The following ASIC2 variants were observed in gnomAD, a reference collection of about 807,000 sequenced individuals.
ASIC2 encodes the protein acid sensing ion channel subunit 2.
A neutral mutation model predicts 57.3 loss-of-function variants in ASIC2; 25 were observed. The ratio of observed to expected loss-of-function variants is 0.44; its 90% CI spans 0.32 to 0.61. The LOEUF (loss-of-function observed/expected upper bound fraction) is 0.61. ASIC2 is among the 20% of genes least tolerant of loss of function. The probability of loss-of-function intolerance (pLI) is 0.06; values close to 1 mark genes in which losing one functional copy is unlikely to be tolerated. For missense variants in ASIC2, 641 were observed against 738.1 expected (o/e 0.87, Z 1.52); for synonymous variants, 319 against 307.5 (o/e 1.04, Z -0.39).
intron 1 of ASIC2, among the ~76,000 whole-genome samples, chr17:33,613,229 A>G (rs993561432): frequency 6.6e-6 from 1 of 152,164 alleles, no homozygotes; most frequent in Non-Finnish European, 1.5e-5. Context: ...ATGTGGTAGA[A>G]CCTTCAAATA....
At chr17:33,397,038 C>T (rs570284036) in intron 1 of ASIC2, among the ~76,000 whole-genome samples, 4 of 152,326 alleles carry the variant, frequency 2.6e-5, no homozygotes, top group Admixed American at 2.0e-4. Context: ...GAACTTACAA[C>T]ATATTCCGAG....
chr17:34,032,727 A>AACAG (rs1907671700), intron 1 of ASIC2, among the ~76,000 whole-genome samples: 1 of 152,326 alleles, frequency 6.6e-6, no homozygotes, highest in East Asian at 1.9e-4. Flanking sequence ...TCACTGATAA[A>AACAG]ACAGACTTTA....
intron 1 of ASIC2, among the ~76,000 whole-genome samples, chr17:33,344,276 G>C (rs1907854527): frequency 1.3e-5 from 2 of 152,296 alleles, no homozygotes; most frequent in South Asian, 4.2e-4. Flanking sequence ...CTGAAGCAGG[G>C]GGAGCAGATG....
intron 1 of ASIC2, among the ~76,000 whole-genome samples, chr17:33,949,111 A>C (rs894871979): frequency 6.6e-6 from 1 of 152,056 alleles, no homozygotes; most frequent in African/African-American, 2.4e-5. Flanking sequence ...TCAACTATTT[A>C]AAAATGTAAA....
intron 1 of ASIC2, among the ~76,000 whole-genome samples, chr17:33,209,286 G>A (rs1237504772): frequency 6.6e-6 from 1 of 152,156 alleles, no homozygotes; most frequent in Admixed American, 6.5e-5. Flanking sequence ...TTATTTATAA[G>A]TTGTTCCAGT....
intron 1 of ASIC2, among the ~76,000 whole-genome samples, chr17:33,416,455 C>A (rs2141968294): frequency 6.6e-6 from 1 of 152,272 alleles, no homozygotes. Flanking sequence ...TTCCTCTTTG[C>A]TGACTGGTTA....
intron 1 of ASIC2, among the ~76,000 whole-genome samples, chr17:33,521,588 A>G (rs1166688268): frequency 6.6e-6 from 1 of 152,170 alleles, no homozygotes; most frequent in Non-Finnish European, 1.5e-5. Flanking sequence ...GCCTGCTGAG[A>G]GTCTGGCAGA....
rs572154957 is a variant in ASIC2 at position 33,260,315 on chromosome 17, G to C, written c.708+31093C>G. Among the ~76,000 whole-genome samples the C allele has an allele frequency of 4.6e-5, 7 of 152,310 alleles. 1 individual carries two copies. Among genetic ancestry groups the C allele is most frequent in the Admixed American group, 1.3e-4 (2 of 15,304 alleles). On this transcript the variant is annotated intron_variant, in intron 1 of 9. Transcript: ENST00000225823. ...CTCCAACCACAAAAGTAGCAACAGG[G>C]AGAGGGGTGCCAGAAAGATGGCAAC...
In ASIC2 at chr17:33,332,152, G is replaced by A. The variant is rs1342937157; in HGVS notation, c.556-220085C>T. ...GTGCCTGCATTCCATATACCCGTTCGTGTTATGAAGATTACCTTGGCCTCT... is the reference window on the plus strand; with the variant it reads ...GTGCCTGCATTCCATATACCCGTTCATGTTATGAAGATTACCTTGGCCTCT... On this transcript the variant is annotated intron_variant, in intron 1 of 9. Coordinates refer to the ASIC2 transcript ENST00000359872. 1.3e-4 allele frequency among the ~76,000 whole-genome samples: 20 copies of A among 152,320 alleles called. No homozygotes were observed. In the East Asian group the frequency reaches 3.7e-3, roughly 28 times the overall value.
intron 1 of ASIC2, among the ~76,000 whole-genome samples, chr17:33,475,761 G>A (rs1308327994): frequency 6.6e-6 from 1 of 152,170 alleles, no homozygotes; most frequent in African/African-American, 2.4e-5. Flanking sequence ...AAAGCAAGCG[G>A]CCTTATCTGA....
chr17:33,238,179 C>T lies in ASIC2; in HGVS notation c.708+53229G>A, dbSNP rs76055737. ...TCATTACCACTCGGGCCTGAAGTCA[C>T]GTGCTGGTGAAGGATCCCACAGGTG... On this transcript the variant is annotated intron_variant, in intron 1 of 9. Coordinates refer to ENST00000225823, the MANE Select transcript of ASIC2 (RefSeq NM_183377.2). 0.011 allele frequency among the ~76,000 whole-genome samples: 1,712 copies of T among 152,304 alleles called. 67 individuals are homozygous for T. The East Asian group carries it at 0.14, about 12-fold the overall frequency.
intron 1 of ASIC2, among the ~76,000 whole-genome samples, chr17:33,734,291 G>C (rs1290143225): frequency 6.6e-6 from 1 of 150,502 alleles, no homozygotes; most frequent in African/African-American, 2.4e-5. Context: ...GCATCCGTGA[G>C]AGGCCAGCCT....
chr17:33,883,189 A>G (rs1914745077), intron 1 of ASIC2, among the ~76,000 whole-genome samples: 1 of 152,210 alleles, frequency 6.6e-6, no homozygotes, highest in Non-Finnish European at 1.5e-5. Flanking sequence ...GCACATGTAT[A>G]CATATGTAAC....
At chr17:34,006,196 T>C (rs1906518810) in intron 1 of ASIC2, 1 of 152,264 alleles carries the variant, frequency 6.6e-6, no homozygotes, top group African/African-American at 2.4e-5. Flanking sequence ...GGCGATGGCA[T>C]TTAAAGCTGA....
At chr17:33,831,475 T>C (rs1479871146) in intron 1 of ASIC2, among the ~76,000 whole-genome samples, 2 of 152,148 alleles carry the variant, frequency 1.3e-5, no homozygotes, top group Non-Finnish European at 2.9e-5. Context: ...GACCACACTG[T>C]CTTCCCTTAA....
chr17:33,486,166 C>A (rs1913568923), intron 1 of ASIC2, among the ~76,000 whole-genome samples: 1 of 152,174 alleles, frequency 6.6e-6, no homozygotes, highest in Admixed American at 6.5e-5. Context: ...CCCAGGAATC[C>A]CCAGACATAA....
chr17:33,324,845 C>T (rs1434821128), intron 1 of ASIC2, among the ~76,000 whole-genome samples: 1 of 152,218 alleles, frequency 6.6e-6, no homozygotes, highest in African/African-American at 2.4e-5. Flanking sequence ...GACTTCCAGC[C>T]TGCCTGCTGC....
chr17:33,063,509 T>C (rs998296711), intron 3 of ASIC2, among the ~76,000 whole-genome samples: 106 of 152,330 alleles, frequency 7.0e-4, no homozygotes, highest in Admixed American at 3.6e-3. Flanking sequence ...TTCTGGCTTG[T>C]AGAGTTTCTG....
In ASIC2 at chr17:33,436,850, C is replaced by CTT. The variant is rs1244300127; in HGVS notation, c.556-324785_556-324784dup. 1.6e-3 allele frequency among the ~76,000 whole-genome samples: 122 copies of CTT among 76,016 alleles called. 5 individuals carry two copies. Among genetic ancestry groups the CTT allele is most frequent in the African/African-American group, 3.8e-3 (87 of 22,712 alleles). 49.9% of individuals were successfully genotyped at this position (76,016 alleles called of 152,430 possible). The stretch of plus-strand genomic sequence containing the variant: ...TGCAATGCCTTAAAACACATTCCAA[C>CTT]TTCTTTTTTTTTTTTTTTTTTTTTT... On this transcript the variant is annotated intron_variant, in intron 1 of 9. Transcript: ENST00000359872.
Sources: gnomAD v4.1 joint callset for allele counts (sites outside exome capture counted in the v4.1 genomes callset) on GRCh38, gnomAD v4.1.1 for gene constraint, MANE v1.5 for transcripts, NCBI Gene and HGNC (gene_info 2026-07-23, HGNC 2026-07-21) for gene names.